SLC7A1: variants seen among roughly 807,000 people sequenced by gnomAD.
SLC7A1 encodes the protein high affinity cationic amino acid transporter 1.
A neutral mutation model predicts 53.9 loss-of-function variants in SLC7A1; 10 were observed. The observed-to-expected ratio is 0.19, with a 90% confidence interval of 0.11 to 0.31. The LOEUF (loss-of-function observed/expected upper bound fraction) is 0.31, where lower values mean the gene tolerates loss of function less well. Among genes scored for constraint, SLC7A1 ranks in the 10% least tolerant of loss-of-function variants. SLC7A1 has a pLI of 1.00. For synonymous variants in SLC7A1, 342 were observed against 338.7 expected, an observed-to-expected ratio of 1.01 and a Z score of -0.11; for missense variants, 525 against 827.2, an observed-to-expected ratio of 0.63 and a Z score of 4.48.
intron 1 of SLC7A1, among the ~76,000 whole-genome samples, chr13:29,587,572 C>T (rs1014181243): frequency 5.3e-5 from 8 of 152,194 alleles, no homozygotes; most frequent in African/African-American, 1.9e-4. Context: ...CCCTCAATCA[C>T]GCTCCAGGCC....
intron 1 of SLC7A1, among the ~76,000 whole-genome samples, chr13:29,565,526 T>C (rs940991987): frequency 3.3e-5 from 5 of 152,192 alleles, no homozygotes; most frequent in African/African-American, 1.2e-4. Context: ...GGACCTCTTA[T>C]AGGTCTATGA....
At chr13:29,535,307 G>T (rs2139103366) in intron 3 of SLC7A1, among the ~76,000 whole-genome samples, 1 of 152,290 alleles carries the variant, frequency 6.6e-6, no homozygotes. Flanking sequence ...TGGAAAAATA[G>T]CTAATGATAT....
At chr13:29,590,819 C>T (rs996949744) in intron 1 of SLC7A1, among the ~76,000 whole-genome samples, 7 of 152,072 alleles carry the variant, frequency 4.6e-5, no homozygotes, top group Admixed American at 4.6e-4. Flanking sequence ...TTATTTTTCT[C>T]AGGGCTAGGC....
intron 11 of SLC7A1, chr13:29,516,938 C>A: frequency 2.1e-6 from 1 of 467,568 alleles, no homozygotes; most frequent in Non-Finnish European, 3.7e-6. Context: ...CTCAGGGAAA[C>A]GTCCAGGGGA....
At chr13:29,567,010 C>G (rs1276433649) in intron 1 of SLC7A1, among the ~76,000 whole-genome samples, 1 of 152,214 alleles carries the variant, frequency 6.6e-6, no homozygotes, top group Non-Finnish European at 1.5e-5. Flanking sequence ...CTCCACTCTA[C>G]TTGCACAAGC....
chr13:29,526,419 C>G (rs924381724), intron 5 of SLC7A1, among the ~76,000 whole-genome samples: 1 of 152,124 alleles, frequency 6.6e-6, no homozygotes, highest in African/African-American at 2.4e-5. Flanking sequence ...CTGCTTTGAG[C>G]CATGATTGTG....
At chr13:29,515,723 C>G (rs1593537370) in intron 12 of SLC7A1, among the ~76,000 whole-genome samples, 1 of 152,338 alleles carries the variant, frequency 6.6e-6, no homozygotes, top group South Asian at 2.1e-4. Context: ...CCATAGGCTC[C>G]AAAGCACTCT....
rs147534541 is a variant in SLC7A1, at chr13:29,521,158, G to A, written c.1189+1159C>T. Among the ~76,000 whole-genome samples the A allele has an allele frequency of 3.4e-4, 51 of 152,236 alleles. No individual in the cohort carries two copies. The East Asian group carries it at 6.9e-3, about 21-fold the overall frequency. On this transcript the variant is annotated intron_variant, in intron 8 of 12. Transcript: ENST00000380752. Reference sequence around the variant, plus strand: ...AGTGCCTCTCAATCTGACCACTGTGGTCACTCTCAAGAGCATAGAATCACA... The same window carrying A: ...AGTGCCTCTCAATCTGACCACTGTGATCACTCTCAAGAGCATAGAATCACA...
intron 11 of SLC7A1, 135 bp downstream of exon 11, chr13:29,517,009 A>G (rs1467284694): frequency 1.3e-6 from 1 of 751,952 alleles, no homozygotes; most frequent in Non-Finnish European, 2.1e-6. Flanking sequence ...CCCCTGCCCC[A>G]TCTTACCTGA....
At chr13:29,522,294 G>A in intron 8 of SLC7A1, 23 bp downstream of exon 8, 3 of 1,612,730 alleles carry the variant, frequency 1.9e-6, no homozygotes, top group Non-Finnish European at 1.7e-6. Context: ...ACATTTCCAT[G>A]TGAAATGAGT....
At position 29,530,479 on chromosome 13, in the gene SLC7A1, C is replaced by T. The variant is rs1036146207; in HGVS notation, c.704+59G>A. The T allele has an allele frequency of 6.3e-6, 9 of 1,436,702 alleles. No homozygotes were observed. The East Asian group carries it at 6.8e-5, about 11-fold the overall frequency. The allele number at this position is 1,436,702 out of a possible 1,614,324, so 89.0% of individuals were successfully genotyped here. A position where few individuals can be genotyped will look rare whatever the true frequency, so the allele number is the denominator to read the frequency against. ...ATGCCATCCTAGCCAGTTATATCCC[C>T]CATACAATCTATGTCATTAAATGTC... On this transcript the variant is annotated intron_variant, in intron 5 of 12. Coordinates refer to ENST00000380752, the MANE Select transcript of SLC7A1 (RefSeq NM_003045.5).
intron 9 of SLC7A1, among the ~76,000 whole-genome samples, chr13:29,518,835 G>A (rs1378746743): frequency 1.3e-5 from 2 of 152,088 alleles, no homozygotes; most frequent in African/African-American, 4.8e-5. Context: ...TGTGCTTTGG[G>A]AGTGGGTGCT....
At chr13:29,544,545 T>C (rs1869821713) in intron 2 of SLC7A1, among the ~76,000 whole-genome samples, 1 of 152,226 alleles carries the variant, frequency 6.6e-6, no homozygotes, top group African/African-American at 2.4e-5. Context: ...TACAACTCAG[T>C]AATTCTCAAT....
chr13:29,567,849 G>C (rs1274893996), intron 1 of SLC7A1, among the ~76,000 whole-genome samples: 1 of 147,830 alleles, frequency 6.8e-6, no homozygotes, highest in African/African-American at 2.5e-5. Context: ...TTTTTTTTTT[G>C]GACTTAATTT....
At position 29,523,343 on chromosome 13, in the gene SLC7A1, G is replaced by T; in HGVS notation, c.972C>A (p.Pro324=). ...CCCAGCCCACGTGCTTAAAGGCGTC[G>T]GGCAGGGGGCTGTTATTGTCCAGGC... ...YFCLDNNSPL[P]DAFKHVGWEG... Residue 324 remains proline, a synonymous_variant, in exon 7 of 13, where the codon CCC becomes CCA. Transcript: ENST00000380752. The T allele has an allele frequency of 6.2e-7, 1 of 1,613,750 alleles. No individual in the cohort carries two copies. The highest frequency in any genetic ancestry group is 8.5e-7 in the Non-Finnish European group (1 of 1,180,022).
At position 29,523,506 on chromosome 13, in the gene SLC7A1, C is replaced by T; in HGVS notation, c.827-18G>A. 6.3e-7 allele frequency: 1 copy of T among 1,586,228 alleles called. No individual in the cohort carries two copies. Among genetic ancestry groups the T allele is most frequent in the Admixed American group, 1.7e-5 (1 of 59,828 alleles). On this transcript the variant is annotated intron_variant, in intron 6 of 12. Coordinates refer to ENST00000380752, the MANE Select transcript of SLC7A1 (RefSeq NM_003045.5). ...CTCTTCACCTAGAAGCACAAGGGGT[C>T]AGCGGAGGAGGGCACACAGCAAGAG...
chr13:29,526,081 G>A (rs1270754512), intron 5 of SLC7A1, among the ~76,000 whole-genome samples: 1 of 152,230 alleles, frequency 6.6e-6, no homozygotes, highest in Non-Finnish European at 1.5e-5. Flanking sequence ...AGTCAAAATG[G>A]CTTCTGTGGG....
rs1883357245 is a variant in SLC7A1 at position 29,510,487 on chromosome 13, A to G, written c.*3993T>C. The G allele has an allele frequency of 6.6e-6, 1 of 152,380 alleles. No homozygotes were observed. The highest frequency in any genetic ancestry group is 2.1e-4 in the South Asian group (1 of 4,834). 9.4% of individuals were successfully genotyped at this position (152,380 alleles called of 1,614,324 possible). A position where few individuals can be genotyped will look rare whatever the true frequency, so the allele number is the denominator to read the frequency against. On this transcript the variant is annotated 3_prime_UTR_variant, in exon 13 of 13. Coordinates refer to ENST00000380752, the MANE Select transcript of SLC7A1 (RefSeq NM_003045.5). Reference sequence around the variant, plus strand: ...TCAGAGCCTTACATATAATCTTCTCATGACGATGGCAAACAGATATATTTT... The same window carrying G: ...TCAGAGCCTTACATATAATCTTCTCGTGACGATGGCAAACAGATATATTTT...
intron 1 of SLC7A1, among the ~76,000 whole-genome samples, chr13:29,570,480 C>T (rs1441640881): frequency 6.6e-6 from 1 of 152,222 alleles, no homozygotes; most frequent in Admixed American, 6.5e-5. Flanking sequence ...CCCCTACCTC[C>T]ATCTTGTTCC....
Sources: allele counts gnomAD v4.1 joint callset (sites outside exome capture counted in the v4.1 genomes callset), GRCh38; gene constraint gnomAD v4.1.1; transcripts MANE v1.5; gene names NCBI Gene and HGNC (gene_info 2026-07-23, HGNC 2026-07-21).